Variants in MRPL48 observed in about 807,000 individuals in gnomAD.
The protein encoded by MRPL48 is mitochondrial ribosomal protein L48.
MRPL48 carries 16 observed loss-of-function variants against 32.9 expected under a neutral mutation model. The observed-to-expected ratio is 0.49, with a 90% CI of 0.33 to 0.74. The LOEUF (loss-of-function observed/expected upper bound fraction) is 0.74, where lower values mean the gene tolerates loss of function less well. MRPL48 is among the 30% of genes least tolerant of loss of function. The pLI, the probability that MRPL48 is intolerant of heterozygous loss-of-function variation, is 0.02. For synonymous variants in MRPL48, 94 were observed against 89.2 expected (o/e 1.05, Z -0.31); for missense variants, 206 against 245.3 (o/e 0.84, Z 1.07).
intron 4 of MRPL48, among the ~76,000 whole-genome samples, chr11:73,827,572 C>T (rs1947920905): frequency 6.6e-6 from 1 of 152,170 alleles, no homozygotes; most frequent in Admixed American, 6.5e-5. Flanking sequence ...CTTTCAATCT[C>T]AAGCCTGTCA....
intron 5 of MRPL48, chr11:73,851,051 G>T (rs1020574798): frequency 1.0e-5 from 5 of 500,514 alleles, no homozygotes; most frequent in African/African-American, 9.9e-5. Flanking sequence ...TTGTTTACAG[G>T]TTTGGCTGGC....
At chr11:73,803,512 T>G (rs1432198017) in intron 1 of MRPL48, among the ~76,000 whole-genome samples, 1 of 152,122 alleles carries the variant, frequency 6.6e-6, no homozygotes, top group East Asian at 1.9e-4. Flanking sequence ...ATTTCCTTAC[T>G]TTTTCTCTAG....
At chr11:73,830,749 G>T (rs542920215) in intron 4 of MRPL48, among the ~76,000 whole-genome samples, 2 of 152,162 alleles carry the variant, frequency 1.3e-5, no homozygotes, top group Admixed American at 6.5e-5. Context: ...TCCTTCGAAA[G>T]GTCCCACACT....
intron 1 of MRPL48, among the ~76,000 whole-genome samples, chr11:73,795,576 C>T (rs567448640): frequency 4.0e-5 from 6 of 151,760 alleles, no homozygotes; most frequent in Admixed American, 1.3e-4. Flanking sequence ...GCGCGATCTC[C>T]GCTCACTGCA....
At chr11:73,794,558 GAA>G (rs202160777) in intron 1 of MRPL48, among the ~76,000 whole-genome samples, 1 of 140,906 alleles carries the variant, frequency 7.1e-6, no homozygotes, top group East Asian at 2.1e-4. Context: ...TCCATCTCTG[GAA>G]AAAAAAAAAA....
chr11:73,864,061 A>T (rs543300029), intron 7 of MRPL48, among the ~76,000 whole-genome samples: 1 of 152,264 alleles, frequency 6.6e-6, no homozygotes, highest in South Asian at 2.1e-4. Flanking sequence ...AAATCTTCAT[A>T]TATCTGTCTT....
At position 73,859,801 on chromosome 11, in the gene MRPL48, C is replaced by G. The variant is rs1180919334; in HGVS notation, c.372-106C>G. On this transcript the variant is annotated intron_variant, in intron 5 of 7. Coordinates refer to ENST00000310614, the MANE Select transcript of MRPL48 (RefSeq NM_016055.6). ...GTTGCAGATAAGCATCCCCTACATT[C>G]CGGGAACTATTGCATGCCATAGTGG... The G allele has an allele frequency of 3.5e-6, 3 of 868,676 alleles. No individual in the cohort carries two copies. The Admixed American group carries it at 7.3e-5, about 21-fold the overall frequency. The allele number at this position is 868,676 out of a possible 1,614,324, so 53.8% of individuals were successfully genotyped here. A position where few individuals can be genotyped will look rare whatever the true frequency, so the allele number is the denominator to read the frequency against.
chr11:73,796,649 G>C (rs976306910), intron 1 of MRPL48, among the ~76,000 whole-genome samples: 1 of 152,224 alleles, frequency 6.6e-6, no homozygotes, highest in Non-Finnish European at 1.5e-5. Flanking sequence ...GGGAGTGCCT[G>C]AAGTCTGGGG....
intron 5 of MRPL48, among the ~76,000 whole-genome samples, chr11:73,854,893 C>T (rs1487344704): frequency 6.6e-6 from 1 of 152,100 alleles, no homozygotes; most frequent in Non-Finnish European, 1.5e-5. Flanking sequence ...AGCCAAACTG[C>T]CTGAGTTTTC....
intron 5 of MRPL48, among the ~76,000 whole-genome samples, chr11:73,845,699 G>A (rs925944750): frequency 5.3e-5 from 8 of 152,148 alleles, no homozygotes; most frequent in Admixed American, 3.9e-4. Context: ...GAGTCCAGGA[G>A]GTGGAGACTG....
intron 3 of MRPL48, among the ~76,000 whole-genome samples, chr11:73,812,717 A>AATATATATATATATATATATATAT (rs370608269): frequency 4.4e-5 from 6 of 135,568 alleles, no homozygotes; most frequent in African/African-American, 1.7e-4. Context: ...CCCATGTCTA[A>AATATATATATATATATATATATAT]ATATATATAT....
rs147406185 is a variant in MRPL48, at chr11:73,804,337, C to T, written c.22-690C>T. 9.8e-3 allele frequency among the ~76,000 whole-genome samples: 1,485 copies of T among 151,540 alleles called. 20 individuals carry two copies. Among genetic ancestry groups the T allele is most frequent in the South Asian group, 0.037 (179 of 4,786 alleles). Reference sequence around the variant, plus strand: ...TATGGCCCAGGCTGGAGTGCAGTGGCGCAATCTCTGCTCACTGCAACCTCC... The same window carrying T: ...TATGGCCCAGGCTGGAGTGCAGTGGTGCAATCTCTGCTCACTGCAACCTCC... On this transcript the variant is annotated intron_variant, in intron 1 of 7. Transcript: ENST00000310614.
intron 1 of MRPL48, among the ~76,000 whole-genome samples, chr11:73,797,441 G>T (rs952217637): frequency 2.6e-5 from 4 of 152,208 alleles, no homozygotes; most frequent in Admixed American, 1.3e-4. Flanking sequence ...CCTTCAGGGA[G>T]CCCAGACCTG....
Position 73,859,795 on chromosome 11 carries a change from T to C in MRPL48, c.372-112T>C, listed in dbSNP as rs1479662221. The C allele has an allele frequency of 8.5e-6, 7 of 822,454 alleles. No individual in the cohort carries two copies. In the African/African-American group the frequency reaches 1.0e-4, roughly 12 times the overall value. 50.9% of individuals were successfully genotyped at this position (822,454 alleles called of 1,614,324 possible). ...CTCCTGGTTGCAGATAAGCATCCCC[T>C]ACATTCCGGGAACTATTGCATGCCA... On this transcript the variant is annotated intron_variant, in intron 5 of 7. Transcript: ENST00000310614.
At chr11:73,823,423 A>G (rs1282501041) in intron 3 of MRPL48, among the ~76,000 whole-genome samples, 1 of 152,134 alleles carries the variant, frequency 6.6e-6, no homozygotes, top group Non-Finnish European at 1.5e-5. Flanking sequence ...TTATCCTTTA[A>G]CCCTCTTTAT....
intron 5 of MRPL48, among the ~76,000 whole-genome samples, chr11:73,848,748 A>G (rs1224913081): frequency 1.3e-5 from 2 of 152,124 alleles, no homozygotes; most frequent in African/African-American, 4.8e-5. Context: ...TATTTCACAC[A>G]GTATAGGATG....
intron 2 of MRPL48, 114 bp downstream of exon 2, chr11:73,805,193 C>T: frequency 1.2e-6 from 1 of 828,322 alleles, no homozygotes; most frequent in Non-Finnish European, 1.9e-6. Flanking sequence ...CATCATGCAT[C>T]TCCCCTGCCA....
chr11:73,846,090 A>AAAAT (rs1376745174), intron 5 of MRPL48, among the ~76,000 whole-genome samples: 1 of 147,856 alleles, frequency 6.8e-6, no homozygotes, highest in Non-Finnish European at 1.5e-5. Flanking sequence ...AAAAAAAAAA[A>AAAAT]GATTAAAAAA....
intron 4 of MRPL48, among the ~76,000 whole-genome samples, chr11:73,828,343 G>A (rs1947937754): frequency 6.6e-6 from 1 of 151,124 alleles, no homozygotes; most frequent in African/African-American, 2.4e-5. Flanking sequence ...TCCCATCTCA[G>A]CCTCCTGAGC....
Sources: gnomAD v4.1 joint callset for allele counts (sites outside exome capture counted in the v4.1 genomes callset) on GRCh38, gnomAD v4.1.1 for gene constraint, MANE v1.5 for transcripts, NCBI Gene and HGNC (gene_info 2026-07-23, HGNC 2026-07-21) for gene names.